VPS8: variants seen among roughly 807,000 people sequenced by gnomAD.
VPS8 encodes vacuolar protein sorting-associated protein 8 homolog.
A neutral mutation model predicts 216.4 loss-of-function variants in VPS8; 129 were observed. The observed-to-expected ratio is 0.60, with a 90% CI of 0.52 to 0.69. The LOEUF (loss-of-function observed/expected upper bound fraction) is 0.69, where lower values mean the gene tolerates loss of function less well. Ranked by LOEUF, VPS8 falls within the 30% of genes least tolerant of loss-of-function variation. VPS8 has a pLI of 0.00. For missense variants in VPS8, 1,531 were observed against 1,683.5 expected (o/e 0.91, Z 1.59); for synonymous variants, 571 against 565.4 (o/e 1.01, Z -0.14).
rs754449805 is a variant in VPS8, at chr3:184,824,576, CCAAA to C, written c.-48_-45del. On this transcript the variant is annotated 5_prime_UTR_variant, in exon 2 of 48. Transcript: ENST00000625842. Reference sequence around the variant, plus strand: ...TCATTCAGGTCTTCGTGAGCTAAGGCCAAACAAACAAAAAACACTTGCTTTGATG... The same window carrying C: ...TCATTCAGGTCTTCGTGAGCTAAGGCCAAACAAAAAACACTTGCTTTGATG... 20 of 1,556,022 alleles carry C rather than the reference CCAAA, an allele frequency of 1.3e-5. No individual in the cohort carries two copies. Among genetic ancestry groups the C allele is most frequent in the African/African-American group, 2.8e-5 (2 of 72,556 alleles).
At chr3:184,818,866 AAGGTGAAAAC>A (rs149947208) in intron 1 of VPS8, among the ~76,000 whole-genome samples, 5,263 of 152,230 alleles carry the variant, frequency 0.035, 290 homozygotes, top group African/African-American at 0.12. Flanking sequence ...AATGTTTCCC[AAGGTGAAAAC>A]TGGTGAAAAG....
chr3:184,929,685 A>C, intron 33 of VPS8, 21 bp downstream of exon 33: 1 of 1,397,474 alleles, frequency 7.2e-7, no homozygotes. Flanking sequence ...ATACTGCTTT[A>C]CTCTTTTTTC....
At chr3:184,986,553 C>T (rs1490307435) in intron 42 of VPS8, among the ~76,000 whole-genome samples, 1 of 152,144 alleles carries the variant, frequency 6.6e-6, no homozygotes, top group Non-Finnish European at 1.5e-5. Flanking sequence ...TTCCAGCAGC[C>T]ATCAGACGCA....
intron 46 of VPS8, among the ~76,000 whole-genome samples, chr3:185,035,297 C>A (rs550376725): frequency 1.3e-5 from 2 of 152,188 alleles, no homozygotes; most frequent in East Asian, 3.9e-4. Flanking sequence ...CTGGCAGAGA[C>A]ACGATGTAGA....
intron 42 of VPS8, among the ~76,000 whole-genome samples, chr3:184,984,255 G>A (rs571043666): frequency 3.1e-4 from 46 of 146,468 alleles, no homozygotes; most frequent in African/African-American, 1.1e-3. Flanking sequence ...ACTACATCCT[G>A]TAGTCTTTGT....
chr3:184,820,887 GTC>G (rs1304929374), intron 1 of VPS8, among the ~76,000 whole-genome samples: 1 of 152,166 alleles, frequency 6.6e-6, no homozygotes, highest in African/African-American at 2.4e-5. Flanking sequence ...TTTATTAAGT[GTC>G]TCTGTTGCTT....
chr3:185,046,411 T>C (rs975653559), intron 46 of VPS8, among the ~76,000 whole-genome samples: 1 of 152,242 alleles, frequency 6.6e-6, no homozygotes, highest in African/African-American at 2.4e-5. Context: ...CTTGAAACTT[T>C]CATGCCCTAA....
chr3:184,916,702 G>A (rs904241135), intron 28 of VPS8, among the ~76,000 whole-genome samples: 12 of 151,990 alleles, frequency 7.9e-5, no homozygotes, highest in Non-Finnish European at 1.0e-4. Flanking sequence ...ATGTCCAGAG[G>A]GGAACATAAG....
At position 184,813,017 on chromosome 3, in the gene VPS8, C is replaced by T. The variant is rs151266499; in HGVS notation, c.-89+792C>T. Among the ~76,000 whole-genome samples, 668 of 152,268 alleles carry T rather than the reference C, an allele frequency of 4.4e-3. 6 individuals carry two copies. The highest frequency in any genetic ancestry group is 0.015 in the African/African-American group (626 of 41,548). ...CTGAAGTTCGAGGCTACTCCTGTGC[C>T]TTGGCCAGTTCTTTGTGCTTGGCAT... On this transcript the variant is annotated intron_variant, in intron 1 of 47. Transcript: ENST00000625842.
chr3:185,034,086 AT>A (rs1758543107), intron 46 of VPS8, among the ~76,000 whole-genome samples: 1 of 152,064 alleles, frequency 6.6e-6, no homozygotes, highest in Non-Finnish European at 1.5e-5. Context: ...TTGTTCCCGT[AT>A]TTATCTCCAT....
chr3:184,947,403 G>T (rs1743891235), intron 36 of VPS8, among the ~76,000 whole-genome samples: 1 of 152,126 alleles, frequency 6.6e-6, no homozygotes, highest in Admixed American at 6.5e-5. Flanking sequence ...TTGGCAGAGG[G>T]GAGAAAATCA....
intron 45 of VPS8, among the ~76,000 whole-genome samples, chr3:185,002,295 T>C (rs1409274641): frequency 6.6e-6 from 1 of 152,198 alleles, no homozygotes; most frequent in Non-Finnish European, 1.5e-5. Flanking sequence ...TTTCATGAAT[T>C]GGTGTAAAAT....
At chr3:185,020,512 C>A (rs1459921958) in intron 45 of VPS8, among the ~76,000 whole-genome samples, 1 of 150,670 alleles carries the variant, frequency 6.6e-6, no homozygotes, top group African/African-American at 2.5e-5. Flanking sequence ...ACTCTGTTGC[C>A]TAGACTGGAG....
Position 185,052,049 on chromosome 3 carries a change from G to A in VPS8, c.*24G>A, listed in dbSNP as rs373927306. ...GATGACTCCATGGAGCCTGGCCCAG[G>A]AGAACCAGAGATGATCCCGAGGCAG... On this transcript the variant is annotated 3_prime_UTR_variant, in exon 48 of 48. Coordinates refer to ENST00000625842, the MANE Select transcript of VPS8 (RefSeq NM_001009921.3). The A allele has an allele frequency of 6.3e-7, 1 of 1,599,916 alleles. No individual in the cohort carries two copies. Among genetic ancestry groups the A allele is most frequent in the Non-Finnish European group, 8.5e-7 (1 of 1,173,590 alleles).
intron 45 of VPS8, among the ~76,000 whole-genome samples, chr3:185,005,517 T>C (rs1454591008): frequency 6.6e-6 from 1 of 152,228 alleles, no homozygotes; most frequent in East Asian, 1.9e-4. Flanking sequence ...AAAGGATGTA[T>C]TTCCATTTGT....
At chr3:185,003,888 G>A (rs1003570450) in intron 45 of VPS8, among the ~76,000 whole-genome samples, 7 of 151,868 alleles carry the variant, frequency 4.6e-5, no homozygotes, top group African/African-American at 1.2e-4. Flanking sequence ...ATGGGGTCGC[G>A]GCCAGGCAGA....
intron 45 of VPS8, among the ~76,000 whole-genome samples, chr3:185,018,498 C>T (rs1221883688): frequency 1.3e-5 from 2 of 152,208 alleles, no homozygotes; most frequent in African/African-American, 4.8e-5. Flanking sequence ...CATTAATTTG[C>T]GGTTGGGCCT....
intron 3 of VPS8, among the ~76,000 whole-genome samples, chr3:184,827,094 T>C (rs1051337107): frequency 2.6e-5 from 4 of 152,214 alleles, no homozygotes; most frequent in African/African-American, 9.6e-5. Context: ...GCAGTTATGT[T>C]TTCCAAAAGA....
At chr3:184,943,840 G>A (rs747060454) in intron 36 of VPS8, among the ~76,000 whole-genome samples, 8 of 152,196 alleles carry the variant, frequency 5.3e-5, no homozygotes, top group Admixed American at 4.6e-4. Flanking sequence ...GGTGGCTCAC[G>A]CCTGTAATCC....
Sources: gnomAD v4.1 joint callset for allele counts (sites outside exome capture counted in the v4.1 genomes callset) on GRCh38, gnomAD v4.1.1 for gene constraint, MANE v1.5 for transcripts, NCBI Gene and HGNC (gene_info 2026-07-23, HGNC 2026-07-21) for gene names.